Variants in MBLAC2 observed in about 807,000 individuals in gnomAD.
MBLAC2 encodes the protein acyl-coenzyme A thioesterase MBLAC2.
Under a neutral mutation model 23.3 loss-of-function variants are expected in MBLAC2, and 24 were observed. The observed-to-expected ratio is 1.03, with a 90% CI of 0.75 to 1.45. The LOEUF is 1.45. Among genes scored for constraint, MBLAC2 ranks in the 40% most tolerant of loss-of-function variants. MBLAC2 has a pLI of 0.00. For missense variants in MBLAC2, 358 were observed against 370.0 expected (o/e 0.97, Z 0.27); for synonymous variants, 162 against 150.9 (o/e 1.07, Z -0.54).
rs1353965582 is a variant in MBLAC2, at chr5:90,461,173, C to T, written c.834G>A (p.Ser278=). The T allele has an allele frequency of 5.0e-6, 8 of 1,591,612 alleles. No homozygotes were observed. Among genetic ancestry groups the T allele is most frequent in the Middle Eastern group, 1.7e-4 (1 of 5,922 alleles). ...TATATTATCAGTATAGATACTAGGG[C>T]GAGGTCCTAGAATTTGTTACACGTA... ...LALRVTNSRT[S]P is the part of the protein sequence containing the mutation. Residue 278 remains serine, a synonymous_variant, in exon 2 of 2, where the codon TCG becomes TCA. Transcript: ENST00000316610.
intron 1 of MBLAC2, chr5:90,473,355 G>A (rs1203178656): frequency 3.0e-6 from 1 of 337,374 alleles, no homozygotes; most frequent in African/African-American, 2.2e-5. Flanking sequence ...GGCTACAGGT[G>A]GGAACTGCCC....
At chr5:90,465,763 C>T (rs138255686) in intron 1 of MBLAC2, among the ~76,000 whole-genome samples, 1 of 152,174 alleles carries the variant, frequency 6.6e-6, no homozygotes, top group East Asian at 1.9e-4. Context: ...GACAGGATCT[C>T]GCTTTGTTGC....
At position 90,473,857 on chromosome 5, in the gene MBLAC2, T is replaced by C. The variant is rs764361931; in HGVS notation, c.436A>G (p.Thr146Ala). 3 of 1,588,290 alleles carry C rather than the reference T, an allele frequency of 1.9e-6. No homozygotes were observed. The highest frequency in any genetic ancestry group is 1.7e-6 in the Non-Finnish European group (2 of 1,167,764). ...CCATTACCATCCTGCAGGATGAGGG[T>C]GGGCTGCACCGCCTGTACCCGGAAC... is the stretch of plus-strand genomic sequence containing the variant. ...RQFRVQAVQP[T>A]LILQDGDVIN... Residue 146 changes from threonine to alanine, a missense_variant, in exon 1 of 2, where the codon ACC becomes GCC. Transcript: ENST00000316610.
intron 1 of MBLAC2, among the ~76,000 whole-genome samples, chr5:90,472,093 C>G (rs1042816463): frequency 1.3e-5 from 2 of 152,202 alleles, no homozygotes; most frequent in African/African-American, 2.4e-5. Context: ...ACACATGATA[C>G]TCAGCCCTGC....
In MBLAC2 at chr5:90,474,187, G is replaced by A. The variant is rs766243313; in HGVS notation, c.106C>T (p.Arg36Cys). Residue 36 changes from arginine to cysteine, a missense_variant, in exon 1 of 2, where the codon CGC (arginine) becomes TGC (cysteine). Transcript: ENST00000316610. ...SGNRANIWLV[R>C]GSEQDVVIDT... ...ATCACCACGTCCTGCTCGGAGCCGC[G>A]CACCAGCCAGATGTTGGCACGGTTG... The A allele has an allele frequency of 5.0e-6, 8 of 1,608,382 alleles. No homozygotes were observed. The highest frequency in any genetic ancestry group is 4.5e-5 in the East Asian group (2 of 44,702).
intron 1 of MBLAC2, among the ~76,000 whole-genome samples, chr5:90,470,340 T>G (rs751852873): frequency 1.3e-5 from 2 of 152,152 alleles, no homozygotes; most frequent in African/African-American, 4.8e-5. Context: ...GCTAGAAGAT[T>G]TGGAATGTTT....
rs1750657319 is a variant in MBLAC2 at position 90,474,330 on chromosome 5, C to T, written c.-38G>A. Reference sequence around the variant, plus strand: ...TGCAGCCAGGCGGGGTGAGTGTGGGCGTGCGAGTCTCCCACAGGCTGTCCA... The same window carrying T: ...TGCAGCCAGGCGGGGTGAGTGTGGGTGTGCGAGTCTCCCACAGGCTGTCCA... On this transcript the variant is annotated 5_prime_UTR_variant, in exon 1 of 2. Coordinates refer to ENST00000316610, the MANE Select transcript of MBLAC2 (RefSeq NM_203406.2). 2 of 1,575,028 alleles carry T rather than the reference C, an allele frequency of 1.3e-6. No individual in the cohort carries two copies. The highest frequency in any genetic ancestry group is 1.7e-6 in the Non-Finnish European group (2 of 1,149,472).
Position 90,461,305 on chromosome 5 carries a change from G to A in MBLAC2, c.702C>T (p.Thr234=). Residue 234 remains threonine, a synonymous_variant, in exon 2 of 2, where the codon ACC becomes ACT. Transcript: ENST00000316610. ...ATCGAAAAAGCCTTTCAGCACCAAA[G>A]GTATTGAAGTGCCCAGGAAGCACCT... is the stretch of plus-strand genomic sequence containing the variant. ...VEKVLPGHFN[T]FGAERLFRLA... is the part of the protein sequence containing the mutation. 1.2e-6 allele frequency: 2 copies of A among 1,614,124 alleles called. No homozygotes were observed. The highest frequency in any genetic ancestry group is 1.7e-6 in the Non-Finnish European group (2 of 1,180,016).
chr5:90,464,576 C>G (rs1580180528), intron 1 of MBLAC2, among the ~76,000 whole-genome samples: 1 of 151,878 alleles, frequency 6.6e-6, no homozygotes, highest in African/African-American at 2.4e-5. Context: ...CAAAGGGAGA[C>G]TCTTTCAAAC....
At position 90,464,162 on chromosome 5, in the gene MBLAC2, G is replaced by A. The variant is rs140852904; in HGVS notation, c.455-2610C>T. ...TCAATTCTGTCAATCATTTTATAAC[G>A]GGACAATTTCAACCCTATAATAATT... On this transcript the variant is annotated intron_variant, in intron 1 of 1. Coordinates refer to ENST00000316610, the MANE Select transcript of MBLAC2 (RefSeq NM_203406.2). Among the ~76,000 whole-genome samples, 17 of 152,226 alleles carry A rather than the reference G, an allele frequency of 1.1e-4. No individual in the cohort carries two copies. In the East Asian group the frequency reaches 2.3e-3, roughly 21 times the overall value.
intron 1 of MBLAC2, 179 bp downstream of exon 1, chr5:90,473,660 G>T (rs1750613603): frequency 1.4e-6 from 1 of 715,350 alleles, no homozygotes; most frequent in Non-Finnish European, 2.5e-6. Context: ...GGAAGGCTGT[G>T]ATGGCCTTGA....
intron 1 of MBLAC2, chr5:90,473,484 T>G (rs1289870911): frequency 6.9e-6 from 4 of 578,866 alleles, no homozygotes; most frequent in Non-Finnish European, 1.2e-5. Context: ...CTCCTGGAAA[T>G]GTCGGGCAGG....
chr5:90,471,556 T>G (rs1368085605), intron 1 of MBLAC2, among the ~76,000 whole-genome samples: 3 of 152,204 alleles, frequency 2.0e-5, no homozygotes, highest in Admixed American at 2.0e-4. Flanking sequence ...CATTTACAAG[T>G]CGGCTTTTGG....
chr5:90,473,258 C>T (rs1032920327), intron 1 of MBLAC2: 2 of 180,458 alleles, frequency 1.1e-5, no homozygotes, highest in African/African-American at 4.8e-5. Flanking sequence ...CTTTTGCAAT[C>T]GTGAGGCAAC....
In MBLAC2 at chr5:90,461,564, AAC is replaced by A. The variant is rs775170654; in HGVS notation, c.455-14_455-13del. The stretch of plus-strand genomic sequence containing the variant: ...GTTGATCACATCCCCTACAAATGGA[AAC>A]AGAGTTTACAGATAAACATGTTGTA... On this transcript the variant is annotated splice_polypyrimidine_tract_variant and intron_variant, in intron 1 of 1. Transcript: ENST00000316610. The A allele has an allele frequency of 3.1e-6, 5 of 1,595,276 alleles. No homozygotes were observed. Among genetic ancestry groups the A allele is most frequent in the South Asian group, 1.1e-5 (1 of 87,640 alleles).
chr5:90,468,887 T>C (rs1266090694), intron 1 of MBLAC2, among the ~76,000 whole-genome samples: 2 of 152,110 alleles, frequency 1.3e-5, no homozygotes, highest in Non-Finnish European at 2.9e-5. Flanking sequence ...TGAACACTAA[T>C]AGTGACACAC....
At chr5:90,467,674 A>G (rs539347082) in intron 1 of MBLAC2, among the ~76,000 whole-genome samples, 12 of 147,454 alleles carry the variant, frequency 8.1e-5, no homozygotes, top group Non-Finnish European at 1.5e-4. Context: ...ATTTACATTC[A>G]ATGTTAGTAT....
chr5:90,465,790 C>T (rs1355342950), intron 1 of MBLAC2, among the ~76,000 whole-genome samples: 2 of 152,120 alleles, frequency 1.3e-5, no homozygotes, highest in Non-Finnish European at 2.9e-5. Flanking sequence ...TAGTCTTATA[C>T]TCCTGGCCTT....
Position 90,474,742 on chromosome 5 carries a change from G to C in MBLAC2, c.-450C>G, listed in dbSNP as rs1053842259. On this transcript the variant is annotated 5_prime_UTR_variant, in exon 1 of 2. Coordinates refer to ENST00000316610, the MANE Select transcript of MBLAC2 (RefSeq NM_203406.2). ...TGCAGGGCGCGCACTCCCAGCTGGC[G>C]CAGAAAGTGTGGGGCCTCGCGGGTT... 1.0e-5 allele frequency: 2 copies of C among 191,524 alleles called. No individual in the cohort carries two copies. Among genetic ancestry groups the C allele is most frequent in the Non-Finnish European group, 2.1e-5 (2 of 93,846 alleles). 11.9% of individuals were successfully genotyped at this position (191,524 alleles called of 1,614,324 possible).
Sources: gnomAD v4.1 joint callset for allele counts (sites outside exome capture counted in the v4.1 genomes callset) on GRCh38, gnomAD v4.1.1 for gene constraint, MANE v1.5 for transcripts, NCBI Gene and HGNC (gene_info 2026-07-23, HGNC 2026-07-21) for gene names.